ERC2: variants seen among roughly 807,000 people sequenced by gnomAD.
ERC2 encodes ELKS/RAB6-interacting/CAST family member 2.
A neutral mutation model predicts 114.8 loss-of-function variants in ERC2; 42 were observed. The observed-to-expected ratio is 0.37, with a 90% confidence interval of 0.29 to 0.47. The LOEUF (loss-of-function observed/expected upper bound fraction) is 0.47. Ranked by LOEUF, ERC2 falls within the 20% of genes least tolerant of loss-of-function variation. The pLI, the probability that ERC2 is intolerant of heterozygous loss-of-function variation, is 0.99. For synonymous variants in ERC2, 454 were observed against 425.5 expected (o/e 1.07, Z -0.82); for missense variants, 939 against 1,150.7 (o/e 0.82, Z 2.66).
chr3:56,454,566 T>C (rs1186037107), intron 1 of ERC2, among the ~76,000 whole-genome samples: 3 of 152,078 alleles, frequency 2.0e-5, no homozygotes, highest in Non-Finnish European at 4.4e-5. Flanking sequence ...AAATGAAGTA[T>C]ACACATAAAA....
At chr3:56,341,015 G>C (rs1359644474) in intron 2 of ERC2, among the ~76,000 whole-genome samples, 1 of 152,180 alleles carries the variant, frequency 6.6e-6, no homozygotes, top group Non-Finnish European at 1.5e-5. Context: ...TTAGCTCACT[G>C]AATGGTACCC....
At chr3:56,215,614 A>G (rs1367034468) in intron 3 of ERC2, among the ~76,000 whole-genome samples, 2 of 152,210 alleles carry the variant, frequency 1.3e-5, no homozygotes, top group Admixed American at 1.3e-4. Flanking sequence ...GATATCCAGG[A>G]ATTGAACTCA....
intron 14 of ERC2, among the ~76,000 whole-genome samples, chr3:55,856,541 T>C (rs2061794002): frequency 6.6e-6 from 1 of 152,078 alleles, no homozygotes; most frequent in Non-Finnish European, 1.5e-5. Context: ...CATATACACA[T>C]ATATGTATAA....
intron 2 of ERC2, among the ~76,000 whole-genome samples, chr3:56,311,255 C>CTCTATA (rs1314796268): frequency 2.5e-4 from 20 of 79,044 alleles, no homozygotes; most frequent in African/African-American, 1.0e-3. Context: ...CTCTCTCTCT[C>CTCTATA]TATATATATA....
intron 17 of ERC2, among the ~76,000 whole-genome samples, chr3:55,602,796 C>T (rs1466950121): frequency 6.6e-6 from 1 of 152,102 alleles, no homozygotes; most frequent in Non-Finnish European, 1.5e-5. Flanking sequence ...ATGGTCTTAA[C>T]CTCATGTCTC....
chr3:55,526,432 G>A (rs1213117829), intron 17 of ERC2, among the ~76,000 whole-genome samples: 2 of 152,144 alleles, frequency 1.3e-5, no homozygotes, highest in African/African-American at 4.8e-5. Context: ...CCATTTGGGA[G>A]AGGGTCATCT....
chr3:55,861,897 A>G (rs1359894066), intron 14 of ERC2, among the ~76,000 whole-genome samples: 1 of 152,208 alleles, frequency 6.6e-6, no homozygotes, highest in Admixed American at 6.5e-5. Context: ...AAGAATTAGT[A>G]AGATGTAAAA....
chr3:56,163,566 A>C (rs2082167554), intron 4 of ERC2, among the ~76,000 whole-genome samples: 2 of 152,126 alleles, frequency 1.3e-5, no homozygotes, highest in Admixed American at 1.3e-4. Context: ...TTGGGTACAT[A>C]CATTTTTAGG....
At chr3:55,740,889 A>T (rs897959285) in intron 14 of ERC2, among the ~76,000 whole-genome samples, 1 of 152,186 alleles carries the variant, frequency 6.6e-6, no homozygotes, top group African/African-American at 2.4e-5. Context: ...GAGCACCAAC[A>T]GGACATTCAA....
chr3:55,827,694 T>G (rs1308312937), intron 14 of ERC2, among the ~76,000 whole-genome samples: 1 of 152,192 alleles, frequency 6.6e-6, no homozygotes, highest in Non-Finnish European at 1.5e-5. Flanking sequence ...TGAGCAGAAA[T>G]CTTCCCTGAA....
intron 3 of ERC2, among the ~76,000 whole-genome samples, chr3:56,276,948 C>T (rs2054042870): frequency 6.6e-6 from 1 of 152,194 alleles, no homozygotes; most frequent in South Asian, 2.1e-4. Flanking sequence ...GTTGGACAAG[C>T]TTGTACCAGT....
intron 10 of ERC2, among the ~76,000 whole-genome samples, chr3:55,997,265 C>T (rs1265105383): frequency 1.4e-5 from 2 of 142,022 alleles, no homozygotes; most frequent in South Asian, 2.4e-4. Flanking sequence ...CAATAATTTG[C>T]TAAATTTAGG....
intron 6 of ERC2, among the ~76,000 whole-genome samples, chr3:56,124,020 T>C (rs559035854): frequency 6.6e-6 from 1 of 152,286 alleles, no homozygotes; most frequent in East Asian, 1.9e-4. Flanking sequence ...CATATGAAAG[T>C]TTTATAAAAT....
At chr3:55,918,946 T>C in intron 13 of ERC2, among the ~76,000 whole-genome samples, 1 of 151,992 alleles carries the variant, frequency 6.6e-6, no homozygotes, top group East Asian at 1.9e-4. Flanking sequence ...GAATTTTAAC[T>C]TCAAATACAC....
At chr3:55,751,116 G>A (rs1166627563) in intron 14 of ERC2, among the ~76,000 whole-genome samples, 2 of 152,220 alleles carry the variant, frequency 1.3e-5, no homozygotes, top group Non-Finnish European at 1.5e-5. Context: ...GGGTATGTGT[G>A]AGGAACATCC....
chr3:56,332,211 C>T (rs1181825913), intron 2 of ERC2, among the ~76,000 whole-genome samples: 1 of 152,138 alleles, frequency 6.6e-6, no homozygotes, highest in Non-Finnish European at 1.5e-5. Context: ...TGCACGCATG[C>T]ACATAAATGC....
At chr3:55,761,072 AT>A (rs2067397491) in intron 14 of ERC2, among the ~76,000 whole-genome samples, 1 of 152,194 alleles carries the variant, frequency 6.6e-6, no homozygotes, top group African/African-American at 2.4e-5. Context: ...ATTAAGACAG[AT>A]GCTTTGAGGA....
intron 15 of ERC2, among the ~76,000 whole-genome samples, chr3:55,707,337 G>C (rs1452673531): frequency 3.3e-5 from 5 of 152,186 alleles, no homozygotes; most frequent in Non-Finnish European, 7.3e-5. Flanking sequence ...TACTTGGGAG[G>C]CTGAAGTGGG....
At chr3:55,719,137 T>C (rs2064298839) in intron 15 of ERC2, among the ~76,000 whole-genome samples, 1 of 152,204 alleles carries the variant, frequency 6.6e-6, no homozygotes. Context: ...GTTACAACAC[T>C]GAACATGGCT....
Sources: gnomAD v4.1 joint callset for allele counts (sites outside exome capture counted in the v4.1 genomes callset) on GRCh38, gnomAD v4.1.1 for gene constraint, MANE v1.5 for transcripts, NCBI Gene and HGNC (gene_info 2026-07-23, HGNC 2026-07-21) for gene names.